Variants in CELF2 observed in about 807,000 individuals in gnomAD.
CELF2 encodes CUG triplet repeat RNA-binding protein 2.
CELF2 carries 8 observed loss-of-function variants against 62.6 expected under a neutral mutation model. The observed-to-expected ratio is 0.13, with a 90% confidence interval of 0.07 to 0.23. CELF2 has a LOEUF of 0.23. Ranked by LOEUF, CELF2 falls within the 10% of genes least tolerant of loss-of-function variation. The pLI is 1.00. For synonymous variants in CELF2, 258 were observed against 250.0 expected, an observed-to-expected ratio of 1.03 and a Z score of -0.30; for missense variants, 333 against 671.0, an observed-to-expected ratio of 0.50 and a Z score of 5.56.
chr10:10,522,139 T>A, the CELF2 span, among the ~76,000 whole-genome samples: 1 of 152,234 alleles, frequency 6.6e-6, no homozygotes, highest in African/African-American at 2.4e-5. Context: ...CAGTAATCTT[T>A]TTCTTGGAGC....
chr10:11,019,066 G>A (rs996419986), intron 1 of CELF2, among the ~76,000 whole-genome samples: 1 of 152,316 alleles, frequency 6.6e-6, no homozygotes, highest in African/African-American at 2.4e-5. Flanking sequence ...TTATTGGAAA[G>A]AAGTAGAGAG....
Position 10,993,902 on chromosome 10 carries a change from C to T in CELF2, c.89+73903C>T, listed in dbSNP as rs1421554994. Among the ~76,000 whole-genome samples the T allele has an allele frequency of 6.6e-6, 1 of 152,036 alleles. No homozygotes were observed. The highest frequency in any genetic ancestry group is 2.4e-5 in the African/African-American group (1 of 41,392). ...AATCCAGTAGGACTAGTATCCTTATCAGAAAAAAAAGACACTAGAGATGTG... is the reference window on the plus strand; with the variant it reads ...AATCCAGTAGGACTAGTATCCTTATTAGAAAAAAAAGACACTAGAGATGTG... On this transcript the variant is annotated intron_variant, in intron 2 of 13. Transcript: ENST00000636488. This position sits in a 1 kb window ranked among gnomAD's most constrained non-coding sequence, Gnocchi z 5.3.
intron 1 of CELF2, among the ~76,000 whole-genome samples, chr10:11,036,293 T>C (rs2060937209): frequency 1.3e-5 from 2 of 152,378 alleles, no homozygotes; most frequent in South Asian, 4.1e-4. Context: ...ATTTGTACGA[T>C]GTAACTTTGT....
intron 1 of CELF2, among the ~76,000 whole-genome samples, chr10:10,835,294 TTGCAA>T (rs1348520862): frequency 3.9e-5 from 6 of 152,180 alleles, no homozygotes; most frequent in Non-Finnish European, 8.8e-5. Flanking sequence ...TCTTGCCATG[TTGCAA>T]TGGCTGACCT....
chr10:10,683,716 T>C, the CELF2 span, among the ~76,000 whole-genome samples: 1 of 152,206 alleles, frequency 6.6e-6, no homozygotes, highest in Admixed American at 6.5e-5. Context: ...AGTTGTAATG[T>C]AGATCATATA....
the CELF2 span, among the ~76,000 whole-genome samples, chr10:10,771,853 G>A: frequency 3.3e-5 from 5 of 152,292 alleles, no homozygotes; most frequent in African/African-American, 4.8e-5. Flanking sequence ...ACACCTGCAC[G>A]CTGTCCCAGT....
chr10:10,847,714 G>C (rs1450556935), intron 1 of CELF2, among the ~76,000 whole-genome samples: 1 of 152,206 alleles, frequency 6.6e-6, no homozygotes, highest in East Asian at 1.9e-4. Flanking sequence ...GTGGCTCTCA[G>C]CTCTCATTGT....
intron 2 of CELF2, among the ~76,000 whole-genome samples, chr10:11,184,287 A>G (rs145779151): frequency 3.9e-5 from 6 of 152,328 alleles, no homozygotes; most frequent in African/African-American, 1.2e-4. Context: ...ATTACATTGC[A>G]TTAGTTACTG....
intron 1 of CELF2, among the ~76,000 whole-genome samples, chr10:11,129,570 G>C (rs1015378335): frequency 6.6e-6 from 1 of 152,106 alleles, no homozygotes. Flanking sequence ...TTAATGGTCT[G>C]TTCAGAGATT....
the CELF2 span, among the ~76,000 whole-genome samples, chr10:10,761,973 A>G: frequency 6.8e-6 from 1 of 146,432 alleles, no homozygotes; most frequent in African/African-American, 2.6e-5. Flanking sequence ...TATGTAGATG[A>G]TCTCCTATTG....
upstream of CELF2, among the ~76,000 whole-genome samples, chr10:11,003,850 A>T (rs2054772983): frequency 6.6e-6 from 1 of 152,222 alleles, no homozygotes; most frequent in African/African-American, 2.4e-5. The surrounding 1 kb of genome is among the most constrained non-coding windows in gnomAD (Gnocchi z 4.4). Context: ...TATGTAAAAA[A>T]AAAATGGGGT....
At chr10:10,575,800 G>C in the CELF2 span, among the ~76,000 whole-genome samples, 1 of 152,160 alleles carries the variant, frequency 6.6e-6, no homozygotes, top group Non-Finnish European at 1.5e-5. Flanking sequence ...GGGAAAAATG[G>C]AAATTTACTA....
intron 2 of CELF2, among the ~76,000 whole-genome samples, chr10:11,179,900 G>A (rs1160745950): frequency 6.6e-6 from 1 of 152,180 alleles, no homozygotes; most frequent in Non-Finnish European, 1.5e-5. Context: ...CTTACGTGGT[G>A]TCAGGTAACA....
intron 1 of CELF2, among the ~76,000 whole-genome samples, chr10:11,113,211 T>C (rs182477827): frequency 1.3e-5 from 2 of 152,344 alleles, no homozygotes; most frequent in East Asian, 3.9e-4. Context: ...CTTGCCAAGG[T>C]AATATATAAG....
the CELF2 span, among the ~76,000 whole-genome samples, chr10:10,471,187 A>T: frequency 3.3e-5 from 5 of 151,782 alleles, no homozygotes; most frequent in African/African-American, 1.2e-4. Context: ...AAAACTCCAG[A>T]TGTACATAAA....
intron 2 of CELF2, among the ~76,000 whole-genome samples, chr10:10,930,260 A>T (rs974782174): frequency 7.2e-5 from 11 of 152,230 alleles, no homozygotes; most frequent in African/African-American, 2.7e-4. Flanking sequence ...ATGGAACATG[A>T]TAAAGAAATT....
the CELF2 span, among the ~76,000 whole-genome samples, chr10:10,778,059 C>G: frequency 1.3e-5 from 2 of 152,162 alleles, no homozygotes; most frequent in African/African-American, 4.8e-5. Context: ...CAATCAGGTT[C>G]GGGAGATGGG....
At chr10:10,527,557 A>G in the CELF2 span, among the ~76,000 whole-genome samples, 1 of 152,178 alleles carries the variant, frequency 6.6e-6, no homozygotes, top group Non-Finnish European at 1.5e-5. Flanking sequence ...TGACTCTTCC[A>G]AATCAATCCA....
At position 11,277,991 on chromosome 10, in the gene CELF2, G is replaced by A. The variant is rs79728205; in HGVS notation, c.841+2871G>A. On this transcript the variant is annotated intron_variant, in intron 8 of 12. Transcript: ENST00000633077. ...AAAAGTGAAAACTGATTTTAGAAAC[G>A]AATAATATTTTGTTGTGAACAACTC... Among the ~76,000 whole-genome samples, 942 of 152,294 alleles carry A rather than the reference G, an allele frequency of 6.2e-3. 15 individuals carry two copies. The highest frequency in any genetic ancestry group is 0.021 in the African/African-American group (886 of 41,558).
Sources: gnomAD v4.1 joint callset for allele counts (sites outside exome capture counted in the v4.1 genomes callset) on GRCh38, gnomAD v4.1.1 for gene constraint, Gnocchi (gnomAD v3.1) non-coding constraint, MANE v1.5 for transcripts, NCBI Gene and HGNC (gene_info 2026-07-23, HGNC 2026-07-21) for gene names.